Variants in TCF12 observed in about 807,000 individuals in gnomAD.
TCF12 encodes DNA-binding protein HTF4.
A neutral mutation model predicts 86.0 loss-of-function variants in TCF12; 45 were observed. The ratio of observed to expected loss-of-function variants is 0.52; its 90% confidence interval spans 0.41 to 0.67. TCF12 has a LOEUF of 0.67. Ranked by LOEUF, TCF12 falls within the 30% of genes least tolerant of loss-of-function variation. The pLI, the probability that TCF12 is intolerant of heterozygous loss-of-function variation, is 0.00. For synonymous variants in TCF12, 330 were observed against 299.6 expected (o/e 1.10, Z -1.05); for missense variants, 881 against 859.9 (o/e 1.02, Z -0.31).
chr15:57,189,040 C>T (rs1329509167), intron 6 of TCF12, among the ~76,000 whole-genome samples: 1 of 152,208 alleles, frequency 6.6e-6, no homozygotes, highest in Non-Finnish European at 1.5e-5. Context: ...CTTCCTGCCT[C>T]AGCTTCCCAA....
intron 5 of TCF12, among the ~76,000 whole-genome samples, chr15:57,132,294 A>T (rs2052188170): frequency 6.6e-6 from 1 of 152,234 alleles, no homozygotes; most frequent in Non-Finnish European, 1.5e-5. Flanking sequence ...AGAATATGTA[A>T]TCACTATTAG....
intron 3 of TCF12, among the ~76,000 whole-genome samples, chr15:57,011,058 C>T (rs2064800854): frequency 6.6e-6 from 1 of 152,090 alleles, no homozygotes; most frequent in Admixed American, 6.5e-5. Context: ...TCAATCTAGA[C>T]TCTGTATAAA....
chr15:56,931,083 C>G (rs910710086), intron 3 of TCF12, among the ~76,000 whole-genome samples: 1 of 152,092 alleles, frequency 6.6e-6, no homozygotes, highest in Non-Finnish European at 1.5e-5. Flanking sequence ...CTTCACCCCC[C>G]ACCCCAGGGA....
intron 3 of TCF12, among the ~76,000 whole-genome samples, chr15:56,955,571 T>TA (rs1281886390): frequency 2.0e-5 from 3 of 151,696 alleles, no homozygotes; most frequent in Non-Finnish European, 4.4e-5. Context: ...TAAATAAAAA[T>TA]AAAAAAAAGC....
At chr15:57,219,723 T>TTC (rs1555398878) in intron 8 of TCF12, 2 of 493,852 alleles carry the variant, frequency 4.0e-6, no homozygotes, top group African/African-American at 4.2e-5. Context: ...TAGATTTCTT[T>TTC]TTTTTTTTTT....
At position 57,001,004 on chromosome 15, in the gene TCF12, TA is replaced by T. The variant is rs1199006233; in HGVS notation, c.149-62738del. Among the ~76,000 whole-genome samples the T allele has an allele frequency of 8.9e-4, 127 of 143,016 alleles. 2 individuals are homozygous for T. Among genetic ancestry groups the T allele is most frequent in the Admixed American group, 2.2e-3 (30 of 13,760 alleles). The allele number at this position is 143,016 out of a possible 152,430, so 93.8% of individuals were successfully genotyped here. On this transcript the variant is annotated intron_variant, in intron 3 of 20. Transcript: ENST00000333725. ...TTTTATTTTTAAATTTTTAAAAATT[TA>T]AAAAAAATTTTTTTTTTTTTTTTTT... is the stretch of plus-strand genomic sequence containing the variant.
intron 8 of TCF12, among the ~76,000 whole-genome samples, chr15:57,207,087 A>G (rs886161961): frequency 1.3e-5 from 2 of 152,102 alleles, no homozygotes; most frequent in Non-Finnish European, 2.9e-5. Context: ...AACCTGGGTA[A>G]CAGAACAAGA....
chr15:56,923,566 G>T (rs534269336), intron 3 of TCF12, among the ~76,000 whole-genome samples: 1 of 152,206 alleles, frequency 6.6e-6, no homozygotes, highest in Admixed American at 6.5e-5. Context: ...GAAAGGTCAG[G>T]CACTCTAATT....
chr15:57,177,981 G>A (rs1168045293), intron 6 of TCF12, among the ~76,000 whole-genome samples: 1 of 152,050 alleles, frequency 6.6e-6, no homozygotes, highest in Admixed American at 6.5e-5. Context: ...TTATACTTTT[G>A]ATGATACTTA....
At chr15:57,215,775 G>A (rs1043579467) in intron 8 of TCF12, among the ~76,000 whole-genome samples, 2 of 151,904 alleles carry the variant, frequency 1.3e-5, no homozygotes, top group Admixed American at 6.6e-5. Context: ...TCTTGCTTAC[G>A]GATCATTTAA....
intron 8 of TCF12, among the ~76,000 whole-genome samples, chr15:57,202,209 A>G (rs1171370858): frequency 6.6e-6 from 1 of 152,190 alleles, no homozygotes; most frequent in Non-Finnish European, 1.5e-5. Context: ...ACTTAATATC[A>G]AACACCATTT....
intron 1 of TCF12, 129 bp from the exon 2 acceptor site, chr15:56,919,763 A>T: frequency 4.1e-6 from 3 of 726,854 alleles, no homozygotes; most frequent in Non-Finnish European, 6.5e-6. Context: ...GGTGGGAGCG[A>T]GTCGGGGTCC....
At chr15:57,223,339 A>G (rs1053008749) in intron 8 of TCF12, among the ~76,000 whole-genome samples, 10 of 152,048 alleles carry the variant, frequency 6.6e-5, no homozygotes, top group African/African-American at 2.4e-4. Context: ...TTTACATTAA[A>G]ATATACTACA....
chr15:57,096,318 G>A (rs2049319146), intron 5 of TCF12, among the ~76,000 whole-genome samples: 1 of 152,008 alleles, frequency 6.6e-6, no homozygotes. Context: ...AGGCACAGAA[G>A]GCTTTTTGTA....
chr15:57,071,835 T>A (rs1187443828), intron 4 of TCF12, among the ~76,000 whole-genome samples: 1 of 152,134 alleles, frequency 6.6e-6, no homozygotes, highest in Non-Finnish European at 1.5e-5. Context: ...ACAGGACAGA[T>A]AGCATTTGAA....
chr15:57,009,419 C>T (rs537480761), intron 3 of TCF12, among the ~76,000 whole-genome samples: 2 of 152,186 alleles, frequency 1.3e-5, no homozygotes, highest in East Asian at 1.9e-4. Flanking sequence ...CCTAATGGTC[C>T]TGTTTTTATA....
At chr15:57,067,395 C>G (rs999229905) in intron 4 of TCF12, among the ~76,000 whole-genome samples, 4 of 151,260 alleles carry the variant, frequency 2.6e-5, no homozygotes, top group African/African-American at 9.7e-5. Context: ...AAAAAATTAG[C>G]CGGGCGTAGT....
intron 3 of TCF12, among the ~76,000 whole-genome samples, chr15:56,999,272 A>G (rs1291289202): frequency 6.6e-6 from 1 of 152,118 alleles, no homozygotes; most frequent in East Asian, 1.9e-4. Flanking sequence ...AGGAGAATCA[A>G]TGAATTAAAA....
intron 5 of TCF12, among the ~76,000 whole-genome samples, chr15:57,148,304 C>T (rs751717659): frequency 6.6e-6 from 1 of 151,700 alleles, no homozygotes; most frequent in African/African-American, 2.4e-5. Flanking sequence ...AATGCAAATG[C>T]ACCTGTAGTC....
Sources: allele counts gnomAD v4.1 joint callset (sites outside exome capture counted in the v4.1 genomes callset), GRCh38; gene constraint gnomAD v4.1.1; transcripts MANE v1.5; gene names NCBI Gene and HGNC (gene_info 2026-07-23, HGNC 2026-07-21).